MYH7B: variants seen among roughly 807,000 people sequenced by gnomAD.
MYH7B encodes myosin heavy chain 7B, also known as myosin-7B.
In MYH7B, 205 loss-of-function variants were observed where a neutral mutation model predicts 234.5. The ratio of observed to expected loss-of-function variants is 0.87; its 90% CI spans 0.78 to 0.98. MYH7B has a LOEUF of 0.98. Among genes scored for constraint, MYH7B ranks in the 50% least tolerant of loss-of-function variants. The pLI is 0.00. For synonymous variants in MYH7B, 1,193 were observed against 1,105.0 expected, an observed-to-expected ratio of 1.08 and a Z score of -1.58; for missense variants, 2,652 against 2,633.4, an observed-to-expected ratio of 1.01 and a Z score of -0.15.
intron 1 of MYH7B, among the ~76,000 whole-genome samples, chr20:34,956,795 C>G (rs1358064291): frequency 6.6e-6 from 1 of 152,162 alleles, no homozygotes; most frequent in Non-Finnish European, 1.5e-5. Context: ...TGGCTCAGAC[C>G]TGTAATCCCA....
intron 19 of MYH7B, among the ~76,000 whole-genome samples, chr20:34,989,204 T>C (rs985195016): frequency 1.3e-5 from 2 of 152,266 alleles, no homozygotes; most frequent in Admixed American, 6.5e-5. Flanking sequence ...GAGTAGTTCA[T>C]GCAGTGGATG....
At chr20:34,995,850 C>A (rs2082246704) in intron 28 of MYH7B, among the ~76,000 whole-genome samples, 1 of 152,274 alleles carries the variant, frequency 6.6e-6, no homozygotes, top group Non-Finnish European at 1.5e-5. Flanking sequence ...GCTGGCAATC[C>A]TCATCCATCC....
intron 24 of MYH7B, 75 bp from the exon 25 acceptor site, chr20:34,993,027 C>A: frequency 6.5e-7 from 1 of 1,549,874 alleles, no homozygotes. Flanking sequence ...CTCCTCAGTC[C>A]CTGACTTCCC....
In MYH7B at chr20:35,001,569, C is replaced by G. The variant is rs2082383944; in HGVS notation, c.5676+43C>G. ...TGGACACCTGGACCGGGCACCCCAG[C>G]TCTGCCCCAGGGTCTGTGGCCAGGT... On this transcript the variant is annotated intron_variant, in intron 43 of 44. Coordinates refer to ENST00000262873, the Ensembl canonical transcript of MYH7B. 2.6e-6 allele frequency: 4 copies of G among 1,539,144 alleles called. No individual in the cohort carries two copies. The East Asian group carries it at 9.6e-5, about 37-fold the overall frequency.
At chr20:34,993,369 A>G (rs369575650) in exon 26 of MYH7B, 2 of 1,613,776 alleles carry the variant, frequency 1.2e-6, no homozygotes, top group African/African-American at 1.3e-5. Flanking sequence ...GCGTCCTGGA[A>G]GAGCTCCGTG....
At chr20:34,973,838 A>G (rs910469285) in intron 2 of MYH7B, among the ~76,000 whole-genome samples, 2 of 151,852 alleles carry the variant, frequency 1.3e-5, no homozygotes, top group Non-Finnish European at 2.9e-5. Flanking sequence ...GCTCACTGCC[A>G]CTTCCAGCTC....
chr20:35,000,336 G>C, exon 39 of MYH7B: 2 of 1,596,330 alleles, frequency 1.3e-6, no homozygotes, highest in Non-Finnish European at 1.7e-6. Flanking sequence ...GGCCTCCCTG[G>C]ATGCAGAGAC....
intron 6 of MYH7B, 48 bp from the exon 7 acceptor site, chr20:34,979,613 G>T (rs557205231): frequency 1.2e-6 from 2 of 1,611,854 alleles, no homozygotes; most frequent in South Asian, 1.1e-5. Context: ...AGGTGAGGTC[G>T]GTCGGTTCCT....
chr20:34,980,092 T>A, intron 7 of MYH7B: 1 of 478,650 alleles, frequency 2.1e-6, no homozygotes, highest in Middle Eastern at 5.8e-4. Flanking sequence ...GCCGTGCGTG[T>A]GGGCTGGGGC....
intron 13 of MYH7B, among the ~76,000 whole-genome samples, chr20:34,985,890 T>C (rs765852530): frequency 3.3e-5 from 5 of 151,988 alleles, no homozygotes; most frequent in Non-Finnish European, 7.4e-5. Context: ...CACTGACCCA[T>C]CTGGCCAGAG....
At chr20:34,957,287 C>G (rs1429705883) in intron 1 of MYH7B, among the ~76,000 whole-genome samples, 1 of 152,074 alleles carries the variant, frequency 6.6e-6, no homozygotes, top group Admixed American at 6.6e-5. Context: ...GCACTGGTTA[C>G]AGCGTGACAA....
intron 22 of MYH7B, 154 bp from the exon 23 acceptor site, chr20:34,990,584 A>T: frequency 1.3e-6 from 1 of 772,096 alleles, no homozygotes. Flanking sequence ...GTGATGGGAG[A>T]CAGCGAAGGG....
chr20:34,962,061 AC>A (rs1338737526), intron 2 of MYH7B, among the ~76,000 whole-genome samples: 1 of 152,004 alleles, frequency 6.6e-6, no homozygotes. Flanking sequence ...AAGGCTCTCT[AC>A]AAAAAAATTT....
chr20:34,992,258 A>C (rs576036678), intron 24 of MYH7B, among the ~76,000 whole-genome samples: 11 of 151,762 alleles, frequency 7.2e-5, no homozygotes, highest in African/African-American at 1.7e-4. Context: ...TGGTGGCGGG[A>C]GCCTGTAGTC....
intron 2 of MYH7B, among the ~76,000 whole-genome samples, chr20:34,961,014 G>A (rs143340478): frequency 2.1e-4 from 32 of 152,248 alleles, no homozygotes; most frequent in African/African-American, 7.2e-4. Context: ...TGCCCTGGTC[G>A]TGTTTGAGGT....
In MYH7B at chr20:34,999,048, T is replaced by C. The variant is rs1353485306; in HGVS notation, c.4191-8T>C. On this transcript the variant is annotated splice_region_variant and splice_polypyrimidine_tract_variant and intron_variant, in intron 35 of 44. Coordinates refer to ENST00000262873, the Ensembl canonical transcript of MYH7B. Reference sequence around the variant, plus strand: ...ATGGTCCACACCTTGTCTGGTTCCATGGCCTAGAAAAAAGCTGGCACTGCG... The same window carrying C: ...ATGGTCCACACCTTGTCTGGTTCCACGGCCTAGAAAAAAGCTGGCACTGCG... 4 of 1,604,266 alleles carry C rather than the reference T, an allele frequency of 2.5e-6. No homozygotes were observed. The highest frequency in any genetic ancestry group is 3.4e-6 in the Non-Finnish European group (4 of 1,175,146).
At chr20:34,980,878 A>T (rs901584107) in intron 8 of MYH7B, 144 bp downstream of exon 8, 4 of 1,481,254 alleles carry the variant, frequency 2.7e-6, no homozygotes, top group Non-Finnish European at 2.8e-6. Flanking sequence ...GTCCCTCCGC[A>T]TGGGAGCTGA....
chr20:34,999,247 AG>A lies in MYH7B; in HGVS notation c.4384del (p.Glu1462AsnfsTer62). ...CAGCGGCACTTGGAACGGGCACTGGAGGAACGGCGGCGGCAGGAGGAGGAGA... is the reference window on the plus strand; with the variant it reads ...CAGCGGCACTTGGAACGGGCACTGGAGAACGGCGGCGGCAGGAGGAGGAGA... On this transcript the variant is annotated frameshift_variant, in exon 36 of 45. Coordinates refer to ENST00000262873, the Ensembl canonical transcript of MYH7B. LOFTEE classifies it high-confidence loss of function. 6 of 1,607,134 alleles carry A rather than the reference AG, an allele frequency of 3.7e-6. No homozygotes were observed. Among genetic ancestry groups the A allele is most frequent in the Non-Finnish European group, 4.2e-6 (5 of 1,177,018 alleles).
chr20:35,000,165 G>A (rs2082342314), intron 38 of MYH7B, 128 bp from the exon 39 acceptor site: 34 of 1,214,630 alleles, frequency 2.8e-5, no homozygotes, highest in Non-Finnish European at 3.8e-5. Flanking sequence ...GCAGTCACAA[G>A]AGACTTTAAA....
Sources: allele counts gnomAD v4.1 joint callset (sites outside exome capture counted in the v4.1 genomes callset), GRCh38; gene constraint gnomAD v4.1.1; transcripts MANE v1.5; gene names NCBI Gene and HGNC (gene_info 2026-07-23, HGNC 2026-07-21).